The following ZNF236 variants were observed in gnomAD, a reference collection of about 807,000 sequenced individuals.
ZNF236 encodes the protein regulated by glucose.
A neutral mutation model predicts 191.2 loss-of-function variants in ZNF236; 50 were observed. The ratio of observed to expected loss-of-function variants is 0.26; its 90% CI spans 0.21 to 0.33. The LOEUF (loss-of-function observed/expected upper bound fraction) is 0.33, where lower values mean the gene tolerates loss of function less well. Among genes scored for constraint, ZNF236 ranks in the 10% least tolerant of loss-of-function variants. The probability of loss-of-function intolerance (pLI) is 1.00; values close to 1 mark genes in which losing one functional copy is unlikely to be tolerated. For missense variants in ZNF236, 1,754 were observed against 2,374.5 expected (o/e 0.74, Z 5.43); for synonymous variants, 907 against 928.8 (o/e 0.98, Z 0.43).
chr18:76,824,111 A>T (rs1974949960), intron 1 of ZNF236: 1 of 568,180 alleles, frequency 1.8e-6, no homozygotes, highest in Non-Finnish European at 3.2e-6. Context: ...ACTGAGGCTC[A>T]TTAAAGAGCT....
intron 1 of ZNF236, among the ~76,000 whole-genome samples, chr18:76,826,252 C>T (rs914038747): frequency 2.0e-5 from 3 of 151,138 alleles, no homozygotes; most frequent in African/African-American, 7.3e-5. Flanking sequence ...ACTGGTATTA[C>T]AGGCGTGAGC....
rs373682977 is a variant in ZNF236, at chr18:76,927,762, G to C, written c.4415-165G>C. On this transcript the variant is annotated intron_variant, in intron 24 of 30. Transcript: ENST00000320610. This position sits in a 1 kb window ranked among gnomAD's most constrained non-coding sequence, Gnocchi z 5.4. ...CATCCTGGCTTCATTTCCTCACAAGGCTTTCTTCTTAGACGAAGGAATTAG... is the reference window on the plus strand; with the variant it reads ...CATCCTGGCTTCATTTCCTCACAAGCCTTTCTTCTTAGACGAAGGAATTAG... Among the ~76,000 whole-genome samples, 46 of 152,164 alleles carry C rather than the reference G, an allele frequency of 3.0e-4. 3 individuals carry two copies. The South Asian group carries it at 8.5e-3, about 28-fold the overall frequency.
intron 10 of ZNF236, among the ~76,000 whole-genome samples, chr18:76,896,880 A>G (rs1977435746): frequency 6.6e-6 from 1 of 151,774 alleles, no homozygotes; most frequent in Non-Finnish European, 1.5e-5. Flanking sequence ...CATACTACCA[A>G]ACACAGTACT....
chr18:76,895,460 C>A, intron 10 of ZNF236, 175 bp downstream of exon 10: 1 of 887,354 alleles, frequency 1.1e-6, no homozygotes, highest in Non-Finnish European at 1.7e-6. Flanking sequence ...AAGTGTGGCC[C>A]GCAATGCAGC....
intron 18 of ZNF236, 99 bp from the exon 19 acceptor site, chr18:76,915,548 A>T: frequency 9.0e-7 from 1 of 1,107,004 alleles, no homozygotes; most frequent in Non-Finnish European, 1.3e-6. Flanking sequence ...TAATGTTGTA[A>T]CTTATTAAAC....
intron 30 of ZNF236, among the ~76,000 whole-genome samples, chr18:76,961,655 G>A (rs577781451): frequency 2.0e-5 from 3 of 152,066 alleles, no homozygotes; most frequent in South Asian, 2.1e-4. Flanking sequence ...TTCCATAGTG[G>A]CTGTACTAGT....
Position 76,969,462 on chromosome 18 carries a change from CTGTG to C in ZNF236, c.*1126_*1129del, listed in dbSNP as rs1968867417. 1 of 152,490 alleles carries C rather than the reference CTGTG, an allele frequency of 6.6e-6. No individual in the cohort carries two copies. 9.4% of individuals were successfully genotyped at this position (152,490 alleles called of 1,614,324 possible). A position where few individuals can be genotyped will look rare whatever the true frequency, so the allele number is the denominator to read the frequency against. The stretch of plus-strand genomic sequence containing the variant: ...CATATGTACATAGATATATGGGCCT[CTGTG>C]TGGCTGAACAGTATATTTTGTAAAT... On this transcript the variant is annotated 3_prime_UTR_variant, in exon 31 of 31. Transcript: ENST00000320610.
chr18:76,915,585 C>T, intron 18 of ZNF236, 62 bp from the exon 19 acceptor site: 1 of 1,503,322 alleles, frequency 6.7e-7, no homozygotes, highest in South Asian at 1.2e-5. Context: ...TTGACTGCTT[C>T]TGGTTTTAAG....
intron 27 of ZNF236, among the ~76,000 whole-genome samples, chr18:76,953,170 A>G (rs908297997): frequency 5.3e-5 from 8 of 152,210 alleles, no homozygotes; most frequent in Non-Finnish European, 1.2e-4. Context: ...GCCTGTCTTT[A>G]CTAAAACGAA....
intron 26 of ZNF236, among the ~76,000 whole-genome samples, chr18:76,942,543 G>A (rs544483164): frequency 1.1e-4 from 16 of 150,592 alleles, no homozygotes; most frequent in African/African-American, 1.9e-4. Flanking sequence ...ACGGAGTCTC[G>A]CTCTGTCGCC....
At chr18:76,889,046 T>G (rs1977148886) in intron 9 of ZNF236, among the ~76,000 whole-genome samples, 1 of 152,234 alleles carries the variant, frequency 6.6e-6, no homozygotes, top group South Asian at 2.1e-4. Flanking sequence ...TAGCCCTGCC[T>G]GCACTTCTGA....
chr18:76,911,638 G>T (rs1967220599), intron 16 of ZNF236, among the ~76,000 whole-genome samples: 1 of 152,196 alleles, frequency 6.6e-6, no homozygotes, highest in Non-Finnish European at 1.5e-5. Flanking sequence ...TCTACTGTTC[G>T]CAGTCTGTCC....
chr18:76,836,459 T>C (rs990140867), intron 1 of ZNF236, among the ~76,000 whole-genome samples: 15 of 152,080 alleles, frequency 9.9e-5, no homozygotes, highest in Non-Finnish European at 2.1e-4. Context: ...CAAATTATCC[T>C]CCTGCCTTAG....
intron 3 of ZNF236, among the ~76,000 whole-genome samples, chr18:76,860,291 T>C (rs889569529): frequency 6.6e-6 from 1 of 152,110 alleles, no homozygotes; most frequent in Admixed American, 6.6e-5. Context: ...GGGCAAAGAT[T>C]ACCTCTAAGG....
chr18:76,942,810 A>G (rs2122899075), intron 26 of ZNF236, among the ~76,000 whole-genome samples: 1 of 148,022 alleles, frequency 6.8e-6, no homozygotes, highest in Non-Finnish European at 1.5e-5. Flanking sequence ...CACCACGCCC[A>G]GCCTAGTATT....
At chr18:76,847,479 T>C (rs1476126856) in intron 1 of ZNF236, among the ~76,000 whole-genome samples, 1 of 152,088 alleles carries the variant, frequency 6.6e-6, no homozygotes, top group Non-Finnish European at 1.5e-5. Context: ...TATTTATTTT[T>C]TTTTTAGGCA....
At chr18:76,830,396 T>C (rs961396042) in intron 1 of ZNF236, among the ~76,000 whole-genome samples, 1 of 152,198 alleles carries the variant, frequency 6.6e-6, no homozygotes, top group Non-Finnish European at 1.5e-5. Flanking sequence ...TGAATAAGTG[T>C]TGCTACAAAC....
At chr18:76,912,139 C>A in intron 16 of ZNF236, 105 bp from the exon 17 acceptor site, 3 of 800,512 alleles carry the variant, frequency 3.7e-6, no homozygotes, top group South Asian at 1.8e-5. Context: ...TCTCTTAGAT[C>A]CACATTTTAT....
chr18:76,870,699 G>A (rs1164505372), intron 4 of ZNF236, among the ~76,000 whole-genome samples: 1 of 152,108 alleles, frequency 6.6e-6, no homozygotes, highest in Non-Finnish European at 1.5e-5. Context: ...TGGGGCTTTT[G>A]GAAGGAGACT....
Sources: gnomAD v4.1 joint callset for allele counts (sites outside exome capture counted in the v4.1 genomes callset) on GRCh38, gnomAD v4.1.1 for gene constraint, Gnocchi (gnomAD v3.1) non-coding constraint, MANE v1.5 for transcripts, NCBI Gene and HGNC (gene_info 2026-07-23, HGNC 2026-07-21) for gene names.